Variants in HTR4 observed in about 807,000 individuals in gnomAD.
HTR4 encodes 5-hydroxytryptamine (serotonin) receptor 4, G protein-coupled.
In HTR4, 16 loss-of-function variants were observed where a neutral mutation model predicts 36.8. The ratio of observed to expected loss-of-function variants is 0.43; its 90% CI spans 0.29 to 0.66. HTR4 has a LOEUF of 0.66. Ranked by LOEUF, HTR4 falls within the 30% of genes least tolerant of loss-of-function variation. The pLI, the probability that HTR4 is intolerant of heterozygous loss-of-function variation, is 0.13. For synonymous variants in HTR4, 189 were observed against 185.1 expected, an observed-to-expected ratio of 1.02 and a Z score of -0.17; for missense variants, 438 against 490.9, an observed-to-expected ratio of 0.89 and a Z score of 1.02.
At chr5:148,478,783 T>C (rs2113712276), downstream of HTR4, among the ~76,000 whole-genome samples, 1 of 152,206 alleles carries the variant, frequency 6.6e-6, no homozygotes, top group East Asian at 1.9e-4. Flanking sequence ...CTAATTCTTG[T>C]CCACCCCTGG....
At chr5:148,489,271 A>T (rs1343709832) in intron 6 of HTR4, among the ~76,000 whole-genome samples, 3 of 152,200 alleles carry the variant, frequency 2.0e-5, no homozygotes, top group Non-Finnish European at 4.4e-5. Flanking sequence ...GCTCTGGCTG[A>T]GTGGAATGAA....
In HTR4 at chr5:148,634,936, T is replaced by C. The variant is rs180802870; in HGVS notation, c.26+2053A>G. On this transcript the variant is annotated intron_variant, in intron 2 of 6. Coordinates refer to ENST00000377888, the MANE Select transcript of HTR4 (RefSeq NM_000870.7). ...GAATTTCTGGTTCATGCTTTTAAAA[T>C]AATAAAATTTCTTCTTGCTAATTAC... Among the ~76,000 whole-genome samples the C allele has an allele frequency of 2.6e-3, 396 of 152,274 alleles. 1 individual carries two copies. The highest frequency in any genetic ancestry group is 3.4e-3 in the Non-Finnish European group (232 of 67,998).
At chr5:148,531,169 G>A (rs1167955414) in intron 4 of HTR4, among the ~76,000 whole-genome samples, 2 of 152,146 alleles carry the variant, frequency 1.3e-5, no homozygotes, top group Non-Finnish European at 2.9e-5. Context: ...CTGTTGGGAA[G>A]GTATTATTGG....
At chr5:148,622,983 G>T (rs1752968710) in intron 2 of HTR4, among the ~76,000 whole-genome samples, 1 of 152,150 alleles carries the variant, frequency 6.6e-6, no homozygotes, top group South Asian at 2.1e-4. Context: ...GTGAGGGAGG[G>T]ACTAGGGGGA....
chr5:148,451,312 A>C, intron 5 of HTR4: 3 of 1,612,796 alleles, frequency 1.9e-6, no homozygotes, highest in Non-Finnish European at 2.5e-6. Flanking sequence ...TTCAACAGGC[A>C]TGCTCCAACT....
intron 5 of HTR4, among the ~76,000 whole-genome samples, chr5:148,461,267 T>A (rs6860089): frequency 0.42 from 63,969 of 151,340 alleles, 13,932 homozygotes; most frequent in East Asian, 0.69. Flanking sequence ...ATTTAGCTTT[T>A]TTAAGAATCA....
chr5:148,463,357 T>A (rs1755336142), intron 5 of HTR4, among the ~76,000 whole-genome samples: 1 of 151,330 alleles, frequency 6.6e-6, no homozygotes, highest in African/African-American at 2.4e-5. Context: ...TTTTTTTGTA[T>A]TTTTAGTAGA....
At chr5:148,464,034 C>CAAAA (rs34212190) in intron 5 of HTR4, among the ~76,000 whole-genome samples, 9 of 99,706 alleles carry the variant, frequency 9.0e-5, no homozygotes, top group African/African-American at 1.1e-4. Flanking sequence ...CATTGACATG[C>CAAAA]AAAAAAAAAA....
intron 1 of HTR4, among the ~76,000 whole-genome samples, chr5:148,639,364 C>T (rs1015137809): frequency 4.6e-5 from 7 of 152,018 alleles, no homozygotes; most frequent in African/African-American, 1.7e-4. Context: ...CCATGCCCCT[C>T]CCCTTTCCCA....
chr5:148,621,765 T>C (rs1332003800), intron 2 of HTR4, among the ~76,000 whole-genome samples: 1 of 152,228 alleles, frequency 6.6e-6, no homozygotes, highest in African/African-American at 2.4e-5. Flanking sequence ...CTCCTGATGA[T>C]GTACTTTCAC....
chr5:148,507,577 CA>C (rs113992728), intron 6 of HTR4, among the ~76,000 whole-genome samples: 56,340 of 142,176 alleles, frequency 0.4, 15,188 homozygotes, highest in African/African-American at 0.77. Context: ...TAAGTTTCTT[CA>C]AAAAAAAAAA....
At chr5:148,574,448 C>A (rs1355253650) in intron 2 of HTR4, among the ~76,000 whole-genome samples, 1 of 151,990 alleles carries the variant, frequency 6.6e-6, no homozygotes, top group African/African-American at 2.4e-5. Flanking sequence ...AAATCAACAT[C>A]TGAATGCAGC....
At chr5:148,493,967 T>A (rs748219911) in intron 6 of HTR4, among the ~76,000 whole-genome samples, 30 of 152,334 alleles carry the variant, frequency 2.0e-4, no homozygotes, top group Non-Finnish European at 4.1e-4. Flanking sequence ...CTTTCCGACA[T>A]TAGCAGAAAC....
chr5:148,502,986 A>G (rs948244787), intron 6 of HTR4, among the ~76,000 whole-genome samples: 11 of 152,234 alleles, frequency 7.2e-5, no homozygotes, highest in African/African-American at 2.7e-4. Context: ...GGAATATGGG[A>G]CTATGGGAAA....
intron 2 of HTR4, among the ~76,000 whole-genome samples, chr5:148,553,680 T>C (rs899629080): frequency 6.6e-6 from 1 of 152,222 alleles, no homozygotes; most frequent in Admixed American, 6.5e-5. Context: ...TAATTTGCAC[T>C]CATTAGGATG....
intron 5 of HTR4, among the ~76,000 whole-genome samples, chr5:148,515,046 C>T (rs1321818633): frequency 6.6e-6 from 1 of 152,032 alleles, no homozygotes; most frequent in Non-Finnish European, 1.5e-5. Flanking sequence ...AATTGATTTA[C>T]ATTTGTCTAT....
At chr5:148,563,477 A>G (rs1334965644) in intron 2 of HTR4, among the ~76,000 whole-genome samples, 1 of 152,212 alleles carries the variant, frequency 6.6e-6, no homozygotes. Context: ...TGAATGTAAA[A>G]TCACTGAAAG....
chr5:148,633,537 AC>A (rs1174373973), intron 2 of HTR4, among the ~76,000 whole-genome samples: 1 of 96,466 alleles, frequency 1.0e-5, no homozygotes, highest in Non-Finnish European at 2.1e-5. Context: ...CCCTCCCCCA[AC>A]CCCACAACAG....
intron 5 of HTR4, among the ~76,000 whole-genome samples, chr5:148,458,720 A>G (rs546460308): frequency 1.3e-5 from 2 of 152,314 alleles, no homozygotes; most frequent in Admixed American, 6.5e-5. Context: ...TGAGAGGGGA[A>G]CAAAGTAGGC....
Sources: gnomAD v4.1 joint callset for allele counts (sites outside exome capture counted in the v4.1 genomes callset) on GRCh38, gnomAD v4.1.1 for gene constraint, MANE v1.5 for transcripts, NCBI Gene and HGNC (gene_info 2026-07-23, HGNC 2026-07-21) for gene names.